The following SEMA3E variants were observed in gnomAD, a reference collection of about 807,000 sequenced individuals.
The protein encoded by SEMA3E is semaphorin-3E.
Under a neutral mutation model 93.6 loss-of-function variants are expected in SEMA3E, and 49 were observed. That is an observed-to-expected ratio of 0.52 (90% CI 0.42 to 0.66). The LOEUF (loss-of-function observed/expected upper bound fraction) is 0.66, where lower values mean the gene tolerates loss of function less well. Among genes scored for constraint, SEMA3E ranks in the 30% least tolerant of loss-of-function variants. SEMA3E has a pLI of 0.00. For synonymous variants in SEMA3E, 363 were observed against 330.7 expected, an observed-to-expected ratio of 1.10 and a Z score of -1.06; for missense variants, 906 against 964.8, an observed-to-expected ratio of 0.94 and a Z score of 0.81.
chr7:83,547,751 C>T (rs1791681004), intron 1 of SEMA3E, among the ~76,000 whole-genome samples: 1 of 152,042 alleles, frequency 6.6e-6, no homozygotes, highest in African/African-American at 2.4e-5. Context: ...AAACACAGGC[C>T]AAGGCAAATT....
Position 83,613,429 on chromosome 7 carries a change from T to A in SEMA3E, c.115+34999A>T, listed in dbSNP as rs113804902. On this transcript the variant is annotated intron_variant, in intron 1 of 16. Transcript: ENST00000643230. ...TGGAACACTGTAAACCACAAAACAA[T>A]GTGAAATGACTACTGTTTTCAGAAA... Among the ~76,000 whole-genome samples the A allele has an allele frequency of 7.8e-3, 1,189 of 152,156 alleles. 17 individuals are homozygous for A. The highest frequency in any genetic ancestry group is 0.027 in the African/African-American group (1,108 of 41,532).
At chr7:83,428,121 T>C (rs941354655) in intron 4 of SEMA3E, among the ~76,000 whole-genome samples, 8 of 152,156 alleles carry the variant, frequency 5.3e-5, no homozygotes, top group Non-Finnish European at 1.0e-4. Flanking sequence ...TTTTCCTCTT[T>C]GGGCCTTGAG....
intron 1 of SEMA3E, among the ~76,000 whole-genome samples, chr7:83,552,895 T>A (rs1791795246): frequency 6.6e-6 from 1 of 152,014 alleles, no homozygotes; most frequent in Non-Finnish European, 1.5e-5. Flanking sequence ...GCTTTTGCCC[T>A]TTGCCTTGTG....
chr7:83,544,690 G>A (rs1249343110), intron 1 of SEMA3E, among the ~76,000 whole-genome samples: 1 of 152,120 alleles, frequency 6.6e-6, no homozygotes, highest in Non-Finnish European at 1.5e-5. Context: ...AAGACATGTT[G>A]CCTATAAACA....
At chr7:83,383,639 A>T (rs888815596) in intron 16 of SEMA3E, among the ~76,000 whole-genome samples, 1 of 152,022 alleles carries the variant, frequency 6.6e-6, no homozygotes, top group Admixed American at 6.6e-5. Context: ...GTAGTTGAAA[A>T]TAGGTACTAA....
chr7:83,544,141 A>G (rs939905732), intron 1 of SEMA3E, among the ~76,000 whole-genome samples: 12 of 152,236 alleles, frequency 7.9e-5, no homozygotes, highest in African/African-American at 2.9e-4. Flanking sequence ...ATCATTGCCC[A>G]GTAGAAAATA....
At chr7:83,433,149 C>T (rs55965179) in intron 4 of SEMA3E, among the ~76,000 whole-genome samples, 6,563 of 152,160 alleles carry the variant, frequency 0.043, 205 homozygotes, top group African/African-American at 0.083. Context: ...GTACCAAACT[C>T]ACACATTTGT....
chr7:83,624,550 G>A (rs370312122), intron 1 of SEMA3E, among the ~76,000 whole-genome samples: 9 of 152,126 alleles, frequency 5.9e-5, no homozygotes, highest in East Asian at 5.8e-4. Context: ...CACATCCTTC[G>A]CCCACTTTTT....
At chr7:83,416,135 G>A (rs1250857222) in intron 5 of SEMA3E, among the ~76,000 whole-genome samples, 1 of 152,084 alleles carries the variant, frequency 6.6e-6, no homozygotes, top group Non-Finnish European at 1.5e-5. Context: ...CATTTCCACA[G>A]TGAGTGAATG....
intron 4 of SEMA3E, among the ~76,000 whole-genome samples, chr7:83,429,361 T>A (rs1371284702): frequency 6.6e-6 from 1 of 152,176 alleles, no homozygotes; most frequent in Non-Finnish European, 1.5e-5. Context: ...TTCCTCACCC[T>A]AAGTGACCTA....
intron 1 of SEMA3E, among the ~76,000 whole-genome samples, chr7:83,538,535 CCT>C (rs1344032691): frequency 6.6e-6 from 1 of 152,118 alleles, no homozygotes; most frequent in African/African-American, 2.4e-5. Flanking sequence ...TCCTCACCAA[CCT>C]CCAGTAGGCA....
chr7:83,468,064 A>T (rs1789811543), intron 3 of SEMA3E, among the ~76,000 whole-genome samples: 1 of 152,210 alleles, frequency 6.6e-6, no homozygotes, highest in South Asian at 2.1e-4. Context: ...TGCAATCATC[A>T]GTTACTGTCA....
At chr7:83,402,560 T>C (rs879104428) in intron 10 of SEMA3E, 72 bp downstream of exon 10, 2 of 1,398,440 alleles carry the variant, frequency 1.4e-6, no homozygotes, top group African/African-American at 2.9e-5. Context: ...CAAAGTCTTA[T>C]GAAACAGTGA....
At chr7:83,439,110 A>G (rs2713170) in intron 4 of SEMA3E, among the ~76,000 whole-genome samples, 78,186 of 152,016 alleles carry the variant, frequency 0.51, 22,724 homozygotes, top group East Asian at 0.85. Flanking sequence ...GTATGCAGAT[A>G]GGCTTTGGAA....
At chr7:83,420,503 T>A (rs1317915443) in intron 4 of SEMA3E, among the ~76,000 whole-genome samples, 6 of 152,042 alleles carry the variant, frequency 3.9e-5, no homozygotes. Flanking sequence ...GCCAAAGTAA[T>A]GCTAAGCAAA....
chr7:83,510,967 CAG>C (rs1182928657), intron 1 of SEMA3E, among the ~76,000 whole-genome samples: 1 of 151,952 alleles, frequency 6.6e-6, no homozygotes, highest in Non-Finnish European at 1.5e-5. Flanking sequence ...ATCTCATTGG[CAG>C]AAAGTTATTT....
intron 1 of SEMA3E, among the ~76,000 whole-genome samples, chr7:83,610,120 A>G (rs930540478): frequency 3.9e-5 from 6 of 152,092 alleles, no homozygotes; most frequent in African/African-American, 1.4e-4. Flanking sequence ...TATTAAGAAT[A>G]TAAGAATGTA....
chr7:83,465,411 A>G (rs758534445), intron 4 of SEMA3E, among the ~76,000 whole-genome samples: 7 of 151,982 alleles, frequency 4.6e-5, no homozygotes, highest in Non-Finnish European at 7.4e-5. Flanking sequence ...CCCTATATAG[A>G]TAGTTAACAG....
chr7:83,386,719 C>A (rs1375394349), intron 15 of SEMA3E, among the ~76,000 whole-genome samples: 1 of 152,088 alleles, frequency 6.6e-6, no homozygotes, highest in East Asian at 1.9e-4. Context: ...AAGTATGCAG[C>A]ATTCTTGTTC....
Sources: gnomAD v4.1 joint callset for allele counts (sites outside exome capture counted in the v4.1 genomes callset) on GRCh38, gnomAD v4.1.1 for gene constraint, MANE v1.5 for transcripts, NCBI Gene and HGNC (gene_info 2026-07-23, HGNC 2026-07-21) for gene names.